The following RNF6 variants were observed in gnomAD, a reference collection of about 807,000 sequenced individuals.
RNF6 encodes E3 ubiquitin-protein ligase RNF6.
Under a neutral mutation model 50.1 loss-of-function variants are expected in RNF6, and 21 were observed. The observed-to-expected ratio is 0.42, with a 90% CI of 0.30 to 0.60. The LOEUF is 0.60. RNF6 is among the 20% of genes least tolerant of loss of function. The pLI is 0.20. For missense variants in RNF6, 698 were observed against 838.2 expected (o/e 0.83, Z 2.07); for synonymous variants, 255 against 291.8 (o/e 0.87, Z 1.29).
intron 5 of RNF6, among the ~76,000 whole-genome samples, chr13:26,167,895 A>G (rs4770934): frequency 0.74 from 112,675 of 151,566 alleles, 42,140 homozygotes; most frequent in East Asian, 0.8. Flanking sequence ...ATCCTTTGCA[A>G]GAACATGGAT....
chr13:26,194,192 A>G (rs1868569391), intron 5 of RNF6, among the ~76,000 whole-genome samples: 1 of 152,204 alleles, frequency 6.6e-6, no homozygotes. Flanking sequence ...TTCAGGTGCT[A>G]GAGAGTGTGA....
At chr13:26,203,726 C>T (rs1467081902) in intron 5 of RNF6, among the ~76,000 whole-genome samples, 1 of 152,162 alleles carries the variant, frequency 6.6e-6, no homozygotes, top group Admixed American at 6.5e-5. Flanking sequence ...CTTTGGGAGG[C>T]CCAGGCGGGC....
intron 5 of RNF6, among the ~76,000 whole-genome samples, chr13:26,189,765 A>G (rs1451946858): frequency 6.6e-6 from 1 of 152,090 alleles, no homozygotes; most frequent in Non-Finnish European, 1.5e-5. Flanking sequence ...AACCACTTCC[A>G]TGTTTGTTTA....
intron 5 of RNF6, among the ~76,000 whole-genome samples, chr13:26,192,498 CT>C (rs1163118626): frequency 1.3e-5 from 2 of 152,188 alleles, no homozygotes; most frequent in Non-Finnish European, 2.9e-5. Flanking sequence ...TGAGGGTAGG[CT>C]GGACTCAGTG....
At chr13:26,152,370 A>G (rs7994119) in intron 5 of RNF6, among the ~76,000 whole-genome samples, 3,555 of 152,270 alleles carry the variant, frequency 0.023, 127 homozygotes, top group African/African-American at 0.076. Context: ...TCCTTGGTCC[A>G]TCGGATTACG....
chr13:26,205,173 C>A (rs1206102578), intron 5 of RNF6, among the ~76,000 whole-genome samples: 1 of 152,066 alleles, frequency 6.6e-6, no homozygotes, highest in Non-Finnish European at 1.5e-5. Flanking sequence ...AGCCTTATAA[C>A]ACCAACAATT....
At chr13:26,219,250 G>T in intron 3 of RNF6, 1 of 475,406 alleles carries the variant, frequency 2.1e-6, no homozygotes. Context: ...GTATAATAGT[G>T]CTCCATGTCC....
intron 5 of RNF6, among the ~76,000 whole-genome samples, chr13:26,156,769 A>G (rs1871946588): frequency 6.6e-6 from 1 of 152,228 alleles, no homozygotes; most frequent in African/African-American, 2.4e-5. Context: ...AGGAACTTAG[A>G]TAAAATAAGA....
chr13:26,187,264 G>T (rs1322912142), intron 5 of RNF6, among the ~76,000 whole-genome samples: 1 of 150,454 alleles, frequency 6.6e-6, no homozygotes, highest in Admixed American at 6.6e-5. Context: ...GATAGGAGAC[G>T]AATAGAAAGG....
At chr13:26,138,772 A>G (rs1343353543) in intron 5 of RNF6, among the ~76,000 whole-genome samples, 2 of 152,224 alleles carry the variant, frequency 1.3e-5, no homozygotes, top group Non-Finnish European at 1.5e-5. Flanking sequence ...ATAACAAGGA[A>G]TGAAAATGAT....
chr13:26,146,231 A>C (rs1871235830), intron 5 of RNF6, among the ~76,000 whole-genome samples: 1 of 152,218 alleles, frequency 6.6e-6, no homozygotes, highest in Non-Finnish European at 1.5e-5. Context: ...TCCTTTCTCA[A>C]GGGGACTCAG....
chr13:26,156,007 A>T (rs1375654490), intron 5 of RNF6, among the ~76,000 whole-genome samples: 1 of 152,186 alleles, frequency 6.6e-6, no homozygotes, highest in Non-Finnish European at 1.5e-5. Context: ...TTTAAAAGAG[A>T]GAGAAAACAC....
At chr13:26,182,942 G>T (rs1183745622) in intron 5 of RNF6, among the ~76,000 whole-genome samples, 1 of 152,096 alleles carries the variant, frequency 6.6e-6, no homozygotes, top group Non-Finnish European at 1.5e-5. Context: ...GGAACATTGA[G>T]TTAGCATGCG....
intron 5 of RNF6, among the ~76,000 whole-genome samples, chr13:26,194,258 C>G (rs1462848624): frequency 6.6e-6 from 1 of 152,138 alleles, no homozygotes; most frequent in East Asian, 1.9e-4. Flanking sequence ...TACAAAAAAG[C>G]AGGGGAGAGG....
At chr13:26,192,504 T>C (rs1868502819) in intron 5 of RNF6, among the ~76,000 whole-genome samples, 2 of 152,218 alleles carry the variant, frequency 1.3e-5, no homozygotes. Context: ...TAGGCTGGAC[T>C]CAGTGGCCTG....
At chr13:26,137,859 A>T (rs545946574) in intron 5 of RNF6, among the ~76,000 whole-genome samples, 2 of 152,182 alleles carry the variant, frequency 1.3e-5, no homozygotes, top group African/African-American at 4.8e-5. Flanking sequence ...GACCTATGAG[A>T]CAAAATCAAG....
intron 5 of RNF6, among the ~76,000 whole-genome samples, chr13:26,160,867 G>C (rs901379346): frequency 6.6e-6 from 1 of 152,076 alleles, no homozygotes; most frequent in Non-Finnish European, 1.5e-5. Flanking sequence ...GGGCATGCAT[G>C]CTCCTGGTGT....
intron 5 of RNF6, among the ~76,000 whole-genome samples, chr13:26,197,556 C>A (rs1251895971): frequency 1.3e-5 from 2 of 151,786 alleles, no homozygotes; most frequent in African/African-American, 4.9e-5. Context: ...TTGTCACTTT[C>A]CTGACACTGC....
At chr13:26,183,991 A>AATATATATATATATATATATAT (rs1243482593) in intron 5 of RNF6, among the ~76,000 whole-genome samples, 2 of 61,500 alleles carry the variant, frequency 3.3e-5, no homozygotes, top group African/African-American at 1.6e-4. Flanking sequence ...AGATAAATAA[A>AATATATATATATATATATATAT]ATATATATAT....
Sources: allele counts gnomAD v4.1 joint callset (sites outside exome capture counted in the v4.1 genomes callset), GRCh38; gene constraint gnomAD v4.1.1; transcripts MANE v1.5; gene names NCBI Gene and HGNC (gene_info 2026-07-23, HGNC 2026-07-21).